The following C3orf20 variants were observed in gnomAD, a reference collection of about 807,000 sequenced individuals.
The protein encoded by C3orf20 is uncharacterized protein C3orf20.
A neutral mutation model predicts 88.3 loss-of-function variants in C3orf20; 76 were observed. That is an observed-to-expected ratio of 0.86 (90% CI 0.72 to 1.04). The LOEUF is 1.04. Ranked by LOEUF, C3orf20 falls within the 50% of genes least tolerant of loss-of-function variation. The pLI is 0.00. For synonymous variants in C3orf20, 436 were observed against 437.4 expected (o/e 1.00, Z 0.04); for missense variants, 1,056 against 1,123.3 (o/e 0.94, Z 0.86).
intron 3 of C3orf20, among the ~76,000 whole-genome samples, 166 bp from the exon 4 acceptor site, chr3:14,684,076 G>A (rs1211226021): frequency 6.6e-6 from 1 of 152,050 alleles, no homozygotes; most frequent in Non-Finnish European, 1.5e-5. Flanking sequence ...CATCTGAAGG[G>A]TCCTCAGAGC....
chr3:14,756,371 C>G (rs1424967441), intron 12 of C3orf20, among the ~76,000 whole-genome samples: 1 of 151,962 alleles, frequency 6.6e-6, no homozygotes, highest in African/African-American at 2.4e-5. Context: ...TCTGTTGAAT[C>G]TTTACTATTT....
chr3:14,727,219 C>T (rs186240852), intron 11 of C3orf20, among the ~76,000 whole-genome samples, 195 bp downstream of exon 11: 34 of 152,320 alleles, frequency 2.2e-4, no homozygotes, highest in African/African-American at 6.0e-4. Flanking sequence ...TAAGGCCACA[C>T]AGCTAAGAAT....
intron 5 of C3orf20, among the ~76,000 whole-genome samples, chr3:14,690,881 C>T (rs2032696963): frequency 6.6e-6 from 1 of 152,210 alleles, no homozygotes; most frequent in Non-Finnish European, 1.5e-5. Context: ...ATGACTCCCA[C>T]AGACACTGGA....
intron 12 of C3orf20, among the ~76,000 whole-genome samples, chr3:14,747,601 G>A (rs754560389): frequency 2.0e-5 from 3 of 152,094 alleles, no homozygotes; most frequent in Non-Finnish European, 4.4e-5. Context: ...CTAATAACAG[G>A]TATATTATAG....
chr3:14,748,066 A>G (rs2035109338), intron 12 of C3orf20, among the ~76,000 whole-genome samples: 1 of 151,764 alleles, frequency 6.6e-6, no homozygotes, highest in Admixed American at 6.6e-5. Flanking sequence ...TCTTCTTTAA[A>G]TTTTAGGTAG....
chr3:14,763,502 C>T (rs2035616693), intron 15 of C3orf20, among the ~76,000 whole-genome samples: 1 of 152,182 alleles, frequency 6.6e-6, no homozygotes, highest in Non-Finnish European at 1.5e-5. Flanking sequence ...TGCCTCCCAA[C>T]ACCATCACCT....
chr3:14,721,576 G>C (rs1284272269), intron 9 of C3orf20, 77 bp from the exon 10 acceptor site: 8 of 1,567,258 alleles, frequency 5.1e-6, no homozygotes, highest in Non-Finnish European at 6.9e-6. Context: ...GGGGCTTTGT[G>C]CTTCGTGGTG....
chr3:14,676,105 CT>C (rs1266834164), intron 1 of C3orf20, among the ~76,000 whole-genome samples: 5 of 143,780 alleles, frequency 3.5e-5, no homozygotes, highest in Non-Finnish European at 7.6e-5. Flanking sequence ...TTCCTTCCCC[CT>C]CCCCCCCGCC....
intron 7 of C3orf20, among the ~76,000 whole-genome samples, chr3:14,709,194 CTT>C (rs1476614658): frequency 1.3e-5 from 2 of 152,238 alleles, no homozygotes; most frequent in Non-Finnish European, 2.9e-5. Flanking sequence ...GGGGACAACT[CTT>C]TTGTGTGTGT....
At chr3:14,725,767 CAGAAG>C (rs1395632243) in intron 10 of C3orf20, among the ~76,000 whole-genome samples, 2 of 151,468 alleles carry the variant, frequency 1.3e-5, no homozygotes, top group African/African-American at 4.9e-5. Flanking sequence ...TTAAATTCCA[CAGAAG>C]AGAGTTTTTT....
At chr3:14,771,925 A>G (rs966016639) in intron 15 of C3orf20, 142 bp from the exon 16 acceptor site, 1 of 1,044,740 alleles carries the variant, frequency 9.6e-7, no homozygotes, top group Non-Finnish European at 1.4e-6. Flanking sequence ...TGGGTCCCCA[A>G]GGAGGTCAGA....
At chr3:14,763,936 T>C (rs2035628863) in intron 15 of C3orf20, among the ~76,000 whole-genome samples, 2 of 152,166 alleles carry the variant, frequency 1.3e-5, no homozygotes, top group Non-Finnish European at 2.9e-5. Flanking sequence ...TACAACAGTC[T>C]TCAACAATTG....
chr3:14,761,759 C>T (rs2035571573), intron 15 of C3orf20, 144 bp downstream of exon 15: 1 of 879,736 alleles, frequency 1.1e-6, no homozygotes, highest in Non-Finnish European at 1.8e-6. Flanking sequence ...GGTGGGAAGC[C>T]TCCACCTGTG....
At chr3:14,690,632 C>T (rs898529992) in intron 5 of C3orf20, among the ~76,000 whole-genome samples, 3 of 152,224 alleles carry the variant, frequency 2.0e-5, no homozygotes, top group African/African-American at 4.8e-5. Context: ...ACAGGAGAGG[C>T]TTCAGGAAGA....
At chr3:14,717,146 T>C (rs1187150022) in intron 9 of C3orf20, among the ~76,000 whole-genome samples, 2 of 152,220 alleles carry the variant, frequency 1.3e-5, no homozygotes, top group Non-Finnish European at 2.9e-5. Flanking sequence ...CCTTTCAGCT[T>C]CTCTGAGTCT....
At chr3:14,703,705 G>A (rs1401163809) in intron 6 of C3orf20, among the ~76,000 whole-genome samples, 1 of 152,198 alleles carries the variant, frequency 6.6e-6, no homozygotes, top group Admixed American at 6.5e-5. Context: ...TTTGTGCACT[G>A]TTTGTTTCTT....
intron 7 of C3orf20, among the ~76,000 whole-genome samples, chr3:14,711,197 C>T (rs2033724611): frequency 6.6e-6 from 1 of 152,166 alleles, no homozygotes; most frequent in African/African-American, 2.4e-5. Context: ...TGCAAGCGGC[C>T]TAAGTCCTCT....
Position 14,772,260 on chromosome 3 carries a change from T to A in C3orf20, c.2630+59T>A, listed in dbSNP as rs2035880610. On this transcript the variant is annotated intron_variant, in intron 16 of 16. Coordinates refer to ENST00000253697, the MANE Select transcript of C3orf20 (RefSeq NM_032137.5). This position sits in a 1 kb window ranked among gnomAD's most constrained non-coding sequence, Gnocchi z 4.2. ...GGCTCACAGCAGGCCACCTCGGGGC[T>A]ATTTGGCCTTGGGCAAGTCACTACC... 6.2e-7 allele frequency: 1 copy of A among 1,610,786 alleles called. No homozygotes were observed. Among genetic ancestry groups the A allele is most frequent in the Non-Finnish European group, 8.5e-7 (1 of 1,177,906 alleles).
chr3:14,735,758 T>C (rs1434461261), intron 12 of C3orf20, among the ~76,000 whole-genome samples: 1 of 152,108 alleles, frequency 6.6e-6, no homozygotes, highest in African/African-American at 2.4e-5. Flanking sequence ...CACGCCTGGC[T>C]AATTTTTTGT....
Sources: allele counts gnomAD v4.1 joint callset (sites outside exome capture counted in the v4.1 genomes callset), GRCh38; gene constraint gnomAD v4.1.1; non-coding constraint Gnocchi (gnomAD v3.1); transcripts MANE v1.5; gene names NCBI Gene and HGNC (gene_info 2026-07-23, HGNC 2026-07-21).